Variants in WDR43 observed in about 807,000 individuals in gnomAD.
WDR43 encodes the protein WD repeat-containing protein 43.
In WDR43, 13 loss-of-function variants were observed where a neutral mutation model predicts 91.4. The ratio of observed to expected loss-of-function variants is 0.14; its 90% CI spans 0.09 to 0.23. The LOEUF is 0.23. Among genes scored for constraint, WDR43 ranks in the 10% least tolerant of loss-of-function variants. The pLI is 1.00. For missense variants in WDR43, 780 were observed against 809.4 expected (o/e 0.96, Z 0.44); for synonymous variants, 331 against 287.9 (o/e 1.15, Z -1.51).
At chr2:28,915,928 C>T (rs1365545123) in intron 5 of WDR43, among the ~76,000 whole-genome samples, 1 of 152,146 alleles carries the variant, frequency 6.6e-6, no homozygotes, top group East Asian at 1.9e-4. Context: ...TAATTTTCTT[C>T]TGAACTCCAA....
At chr2:28,924,949 A>G (rs371736638) in intron 7 of WDR43, 33 bp from the exon 8 acceptor site, 45 of 1,582,890 alleles carry the variant, frequency 2.8e-5, no homozygotes, top group African/African-American at 4.1e-5. Flanking sequence ...GTTTTTTCAA[A>G]TTCTTTAATC....
intron 11 of WDR43, among the ~76,000 whole-genome samples, chr2:28,931,717 G>A (rs1219507410): frequency 6.6e-6 from 1 of 151,662 alleles, no homozygotes; most frequent in African/African-American, 2.4e-5. Flanking sequence ...AAGTGTCATA[G>A]GTGTTGAAAG....
chr2:28,911,330 G>A (rs1242868573), intron 3 of WDR43, among the ~76,000 whole-genome samples: 1 of 145,846 alleles, frequency 6.9e-6, no homozygotes, highest in African/African-American at 2.5e-5. Flanking sequence ...GTCTTGCTCT[G>A]TTGCCCAGGC....
chr2:28,932,116 A>T (rs1261095472), intron 11 of WDR43, among the ~76,000 whole-genome samples: 2 of 152,078 alleles, frequency 1.3e-5, no homozygotes, highest in Admixed American at 1.3e-4. Flanking sequence ...GTTCTCAAGT[A>T]ATCCTCCTGC....
chr2:28,914,417 T>G (rs115526492), intron 5 of WDR43, among the ~76,000 whole-genome samples: 1,621 of 152,314 alleles, frequency 0.011, 30 homozygotes, highest in African/African-American at 0.036. Flanking sequence ...CTGTGGTTGT[T>G]TAGTGATACA....
rs369997610 is a variant in WDR43, at chr2:28,917,918, A to C, written c.772A>C (p.Lys258Gln). 5.0e-6 allele frequency: 8 copies of C among 1,585,260 alleles called. No homozygotes were observed. The African/African-American group carries it at 9.4e-5, about 19-fold the overall frequency. Residue 258 changes from lysine to glutamine, a missense_variant, in exon 6 of 18, where the codon AAG becomes CAG. By Grantham distance (53) the Lys-to-Gln change is moderately conservative (BLOSUM62 1). Coordinates refer to ENST00000407426, the MANE Select transcript of WDR43 (RefSeq NM_015131.3). ...VWQVRSENKE[K>Q]SAVMSFTVTD... ...GCAGGTCCGATCAGAAAACAAAGAA[A>C]AGAGTGCAGTGATGTCATTTACAGT...
intron 9 of WDR43, chr2:28,927,020 T>C (rs745547506): frequency 3.9e-6 from 2 of 516,668 alleles, no homozygotes; most frequent in South Asian, 1.4e-5. Context: ...GGTGTCTACA[T>C]GTAGGGGACG....
At position 28,902,042 on chromosome 2, in the gene WDR43, C is replaced by T. The variant is rs753733700; in HGVS notation, c.281C>T (p.Thr94Ile). Residue 94 changes from threonine (T) to isoleucine (I), a missense_variant, in exon 2 of 18, where the codon ACT becomes ATT. This residue lies in a region of WDR43 where 174 missense variants were observed against 207.3 expected (regional missense o/e 0.84). Transcript: ENST00000407426. The stretch of plus-strand genomic sequence containing the variant: ...GAAGCTGTAGGAATGAGTAACCAGA[C>T]TGACTTATTGGCTCTTGGCACAGCA... ...KSEAVGMSNQTDLLALGTAVG... is the reference protein window; with the variant it reads ...KSEAVGMSNQIDLLALGTAVG... 2.7e-5 allele frequency: 43 copies of T among 1,610,526 alleles called. No homozygotes were observed. Among genetic ancestry groups the T allele is most frequent in the Non-Finnish European group, 3.6e-5 (43 of 1,179,004 alleles).
At chr2:28,916,229 G>T (rs1165613513) in intron 5 of WDR43, among the ~76,000 whole-genome samples, 2 of 152,136 alleles carry the variant, frequency 1.3e-5, no homozygotes, top group Non-Finnish European at 2.9e-5. Context: ...TTGTGTACAA[G>T]TCTTTATATG....
At chr2:28,911,862 G>T (rs540491833) in intron 3 of WDR43, among the ~76,000 whole-genome samples, 2 of 151,786 alleles carry the variant, frequency 1.3e-5, no homozygotes, top group African/African-American at 4.8e-5. Context: ...GGACTCAGGC[G>T]ATCTGCCCAC....
intron 15 of WDR43, 124 bp from the exon 16 acceptor site, chr2:28,942,188 C>A (rs1671450625): frequency 2.4e-6 from 2 of 828,668 alleles, no homozygotes; most frequent in East Asian, 5.5e-5. Flanking sequence ...GTATGAAGGT[C>A]CTCCATTATG....
At chr2:28,919,791 G>A (rs544995539) in intron 6 of WDR43, among the ~76,000 whole-genome samples, 9 of 152,296 alleles carry the variant, frequency 5.9e-5, no homozygotes, top group Non-Finnish European at 1.2e-4. Flanking sequence ...TATTCTGATC[G>A]TAGGGAACTG....
chr2:28,945,151 A>T (rs917632516), intron 16 of WDR43, among the ~76,000 whole-genome samples: 1 of 152,204 alleles, frequency 6.6e-6, no homozygotes, highest in Non-Finnish European at 1.5e-5. Context: ...GCTTAGGGAG[A>T]TGGGCATGTA....
chr2:28,905,766 A>G (rs528655159), intron 2 of WDR43, among the ~76,000 whole-genome samples: 157 of 150,484 alleles, frequency 1.0e-3, no homozygotes, highest in African/African-American at 3.7e-3. Context: ...TCAGGTTCAC[A>G]TGATTCTCCT....
chr2:28,926,578 T>G, intron 9 of WDR43, 24 bp downstream of exon 9: 1 of 1,549,602 alleles, frequency 6.5e-7, no homozygotes, highest in Non-Finnish European at 8.7e-7. Context: ...AAATTTGAAG[T>G]TTTAAGAAAA....
chr2:28,912,756 C>T (rs1356402662), intron 4 of WDR43, 46 bp downstream of exon 4: 1 of 1,598,982 alleles, frequency 6.3e-7, no homozygotes, highest in East Asian at 2.2e-5. Flanking sequence ...ATAGAGTAAA[C>T]ACAGAGAAAG....
intron 6 of WDR43, among the ~76,000 whole-genome samples, chr2:28,921,131 A>ATTT (rs35903168): frequency 1.4e-5 from 2 of 147,672 alleles, no homozygotes; most frequent in African/African-American, 5.0e-5. Flanking sequence ...TTTAAAAAAA[A>ATTT]TTTTTTTTTT....
intron 8 of WDR43, 73 bp from the exon 9 acceptor site, chr2:28,926,395 C>A (rs1671140997): frequency 9.4e-7 from 1 of 1,066,806 alleles, no homozygotes; most frequent in Non-Finnish European, 1.3e-6. Context: ...GTTCTTATTC[C>A]CAGTTGCTTT....
chr2:28,919,710 T>C (rs1363167586), intron 6 of WDR43, among the ~76,000 whole-genome samples: 11 of 152,294 alleles, frequency 7.2e-5, no homozygotes, highest in African/African-American at 2.4e-4. Context: ...AATGATTTAA[T>C]GTTATTATAA....
Sources: allele counts gnomAD v4.1 joint callset (sites outside exome capture counted in the v4.1 genomes callset), GRCh38; gene constraint gnomAD v4.1.1; regional missense constraint gnomAD v4.1.1; transcripts MANE v1.5; gene names NCBI Gene and HGNC (gene_info 2026-07-23, HGNC 2026-07-21).